DPF3: variants seen among roughly 807,000 people sequenced by gnomAD.
The protein encoded by DPF3 is double PHD fingers 3.
A neutral mutation model predicts 56.8 loss-of-function variants in DPF3; 18 were observed. That is an observed-to-expected ratio of 0.32 (90% confidence interval 0.22 to 0.47). The LOEUF is 0.47. DPF3 is among the 20% of genes least tolerant of loss of function. The pLI is 1.00. For missense variants in DPF3, 403 were observed against 488.8 expected (o/e 0.82, Z 1.65); for synonymous variants, 188 against 180.2 (o/e 1.04, Z -0.35).
At chr14:72,755,339 G>C (rs1366482968) in intron 2 of DPF3, among the ~76,000 whole-genome samples, 1 of 152,146 alleles carries the variant, frequency 6.6e-6, no homozygotes. Flanking sequence ...CACTCTGCTT[G>C]GAGCTTTAGA....
intron 8 of DPF3, among the ~76,000 whole-genome samples, chr14:72,645,484 C>A (rs979037348): frequency 6.6e-6 from 1 of 151,982 alleles, no homozygotes; most frequent in South Asian, 2.1e-4. Flanking sequence ...CCATGCCTGG[C>A]TAATTTTTAA....
At chr14:72,686,684 GA>G in intron 7 of DPF3, among the ~76,000 whole-genome samples, 1 of 152,310 alleles carries the variant, frequency 6.6e-6, no homozygotes, top group East Asian at 1.9e-4. Flanking sequence ...TTTCTCTAAA[GA>G]ACACCTGTTA....
chr14:72,723,603 C>T, intron 5 of DPF3, 30 bp downstream of exon 5: 1 of 1,544,890 alleles, frequency 6.5e-7, no homozygotes. Flanking sequence ...TCCCTCATCT[C>T]TTTCCTCGCT....
intron 3 of DPF3, among the ~76,000 whole-genome samples, chr14:72,742,014 A>G (rs1247245509): frequency 2.0e-5 from 3 of 152,232 alleles, no homozygotes; most frequent in African/African-American, 7.2e-5. Context: ...GCAGAGCTGA[A>G]GTCACACAGA....
intron 2 of DPF3, among the ~76,000 whole-genome samples, chr14:72,767,760 C>CACAA (rs1555505002): frequency 9.7e-5 from 7 of 72,520 alleles, no homozygotes; most frequent in African/African-American, 3.7e-4. Context: ...CCAAATTTGG[C>CACAA]AAAAAAAAAA....
At chr14:72,846,122 AT>A (rs1884743639) in intron 1 of DPF3, among the ~76,000 whole-genome samples, 1 of 144,508 alleles carries the variant, frequency 6.9e-6, no homozygotes, top group African/African-American at 2.7e-5. Flanking sequence ...ATTTTATTTT[AT>A]TTTATTTGAG....
chr14:72,739,752 A>C (rs1482264867), intron 3 of DPF3, among the ~76,000 whole-genome samples: 2 of 152,232 alleles, frequency 1.3e-5, no homozygotes, highest in Non-Finnish European at 2.9e-5. Context: ...TGGCAGAGCC[A>C]CAGTGGAAGA....
chr14:72,761,191 A>G (rs1891056197), intron 2 of DPF3, among the ~76,000 whole-genome samples: 1 of 152,154 alleles, frequency 6.6e-6, no homozygotes, highest in South Asian at 2.1e-4. Flanking sequence ...ATAAGGATGT[A>G]GAAGATTTAA....
intron 5 of DPF3, among the ~76,000 whole-genome samples, chr14:72,717,352 G>A (rs1888974012): frequency 6.6e-6 from 1 of 152,208 alleles, no homozygotes; most frequent in African/African-American, 2.4e-5. Flanking sequence ...CACCTATATA[G>A]CAGAGCTGTT....
chr14:72,677,427 A>G (rs1383913958), intron 7 of DPF3, among the ~76,000 whole-genome samples: 2 of 152,176 alleles, frequency 1.3e-5, no homozygotes, highest in Admixed American at 1.3e-4. Context: ...AGCTCTCCCA[A>G]ACTTCAGCTA....
At chr14:72,766,010 G>A (rs1891271380) in intron 2 of DPF3, among the ~76,000 whole-genome samples, 1 of 152,178 alleles carries the variant, frequency 6.6e-6, no homozygotes, top group Non-Finnish European at 1.5e-5. Flanking sequence ...TAGAGGCATG[G>A]AGAAGCGCAG....
intron 8 of DPF3, among the ~76,000 whole-genome samples, chr14:72,652,378 G>A (rs1347854562): frequency 6.6e-6 from 1 of 152,184 alleles, no homozygotes; most frequent in Non-Finnish European, 1.5e-5. Flanking sequence ...CATTTTGGGA[G>A]TCCTGGAGCA....
At chr14:72,662,932 A>T in intron 8 of DPF3, 1 of 700,896 alleles carries the variant, frequency 1.4e-6, no homozygotes, top group Non-Finnish European at 1.7e-6. Flanking sequence ...CAGAAATGAA[A>T]TGAATTAAAA....
chr14:72,890,607 C>T (rs978086086), intron 1 of DPF3, among the ~76,000 whole-genome samples: 4 of 152,074 alleles, frequency 2.6e-5, no homozygotes, highest in African/African-American at 9.7e-5. Context: ...ATTTATGTTA[C>T]CTGCATGTGT....
intron 1 of DPF3, among the ~76,000 whole-genome samples, chr14:72,842,733 A>G (rs1288393023): frequency 6.6e-6 from 1 of 152,202 alleles, no homozygotes; most frequent in Non-Finnish European, 1.5e-5. Context: ...AAAAATAAAC[A>G]TGATTGTGAG....
chr14:72,680,004 C>A (rs747521567), intron 7 of DPF3, among the ~76,000 whole-genome samples: 3 of 152,106 alleles, frequency 2.0e-5, no homozygotes, highest in Non-Finnish European at 4.4e-5. Flanking sequence ...CTCGGCCTAG[C>A]CTTTAATGAG....
chr14:72,829,095 A>T (rs17121270), intron 1 of DPF3, among the ~76,000 whole-genome samples: 2,257 of 152,300 alleles, frequency 0.015, 55 homozygotes, highest in African/African-American at 0.052. Flanking sequence ...TCCTTCTGGT[A>T]GAAACCTCTT....
At chr14:72,763,690 C>T (rs1567225244) in intron 2 of DPF3, among the ~76,000 whole-genome samples, 1 of 152,008 alleles carries the variant, frequency 6.6e-6, no homozygotes, top group Non-Finnish European at 1.5e-5. Flanking sequence ...ATTTCTCAGA[C>T]ATAACATCAA....
At chr14:72,653,421 G>A (rs1885974366) in intron 8 of DPF3, among the ~76,000 whole-genome samples, 1 of 152,204 alleles carries the variant, frequency 6.6e-6, no homozygotes, top group African/African-American at 2.4e-5. Context: ...CTACCGACAA[G>A]GTGAGGTGAA....
Sources: allele counts gnomAD v4.1 joint callset (sites outside exome capture counted in the v4.1 genomes callset), GRCh38; gene constraint gnomAD v4.1.1; transcripts MANE v1.5; gene names NCBI Gene and HGNC (gene_info 2026-07-23, HGNC 2026-07-21).